CSMD3: variants seen among roughly 807,000 people sequenced by gnomAD.
The protein encoded by CSMD3 is CUB and sushi domain-containing protein 3.
Under a neutral mutation model 435.2 loss-of-function variants are expected in CSMD3, and 177 were observed. The observed-to-expected ratio is 0.41, with a 90% CI of 0.36 to 0.46. The LOEUF is 0.46. CSMD3 is among the 20% of genes least tolerant of loss of function. The pLI is 0.34. For synonymous variants in CSMD3, 1,656 were observed against 1,520.5 expected, an observed-to-expected ratio of 1.09 and a Z score of -2.07; for missense variants, 4,265 against 4,504.6, an observed-to-expected ratio of 0.95 and a Z score of 1.52.
chr8:112,541,938 A>C (rs963335245), intron 27 of CSMD3, among the ~76,000 whole-genome samples: 2 of 152,024 alleles, frequency 1.3e-5, no homozygotes, highest in Non-Finnish European at 2.9e-5. Flanking sequence ...AAAGGATCAC[A>C]CACAATGTCC....
Position 113,130,239 on chromosome 8 carries a change from T to C in CSMD3, c.710-31276A>G, listed in dbSNP as rs546628799. On this transcript the variant is annotated intron_variant, in intron 4 of 70. Transcript: ENST00000297405. ...AGTAGTTAAGGCTTCACATGATCAA[T>C]AGGACTTTGTCAAATAGAAGGATAG... Among the ~76,000 whole-genome samples the C allele has an allele frequency of 7.2e-5, 11 of 152,238 alleles. No homozygotes were observed. The East Asian group carries it at 1.5e-3, about 21-fold the overall frequency.
At chr8:113,011,324 T>G (rs1013238934) in intron 6 of CSMD3, among the ~76,000 whole-genome samples, 20 of 151,930 alleles carry the variant, frequency 1.3e-4, no homozygotes, top group Non-Finnish European at 2.2e-4. Flanking sequence ...CTAGAAATTG[T>G]TATATTGGAC....
intron 13 of CSMD3, among the ~76,000 whole-genome samples, chr8:112,711,487 C>T (rs1371900387): frequency 6.6e-6 from 1 of 152,090 alleles, no homozygotes; most frequent in Non-Finnish European, 1.5e-5. Flanking sequence ...GTGTGCCTAG[C>T]ACCCAGCAAA....
At chr8:112,913,228 G>A (rs146073715) in intron 10 of CSMD3, among the ~76,000 whole-genome samples, 66 of 152,020 alleles carry the variant, frequency 4.3e-4, no homozygotes, top group Non-Finnish European at 8.2e-4. Flanking sequence ...CTCGGGGGAG[G>A]AGTGGTATGG....
At chr8:112,951,116 T>C (rs562578749) in intron 8 of CSMD3, among the ~76,000 whole-genome samples, 2 of 152,006 alleles carry the variant, frequency 1.3e-5, no homozygotes, top group Admixed American at 1.3e-4. Context: ...AGAAAAAAAG[T>C]GCAATCTATC....
chr8:112,659,119 G>T (rs182754286), intron 17 of CSMD3, among the ~76,000 whole-genome samples: 70 of 151,038 alleles, frequency 4.6e-4, no homozygotes, highest in African/African-American at 1.6e-3. Flanking sequence ...AACATAAAGA[G>T]ACTTAATTCT....
At chr8:113,207,586 T>C (rs1006512724) in intron 3 of CSMD3, among the ~76,000 whole-genome samples, 2 of 152,042 alleles carry the variant, frequency 1.3e-5, no homozygotes, top group African/African-American at 4.8e-5. Flanking sequence ...TTTCACCATA[T>C]TGGCCAGGCT....
intron 3 of CSMD3, among the ~76,000 whole-genome samples, chr8:113,247,756 G>T (rs2093290634): frequency 6.6e-6 from 1 of 152,022 alleles, no homozygotes; most frequent in Non-Finnish European, 1.5e-5. Context: ...AGCAATAACA[G>T]ATTCTTAAGC....
At chr8:113,305,456 A>G (rs182018953) in intron 2 of CSMD3, among the ~76,000 whole-genome samples, 7 of 152,316 alleles carry the variant, frequency 4.6e-5, no homozygotes, top group Admixed American at 3.9e-4. Flanking sequence ...AAGCAGGCTA[A>G]TGGAAGTAAA....
chr8:113,282,265 T>C (rs1211971223), intron 2 of CSMD3, among the ~76,000 whole-genome samples: 1 of 151,874 alleles, frequency 6.6e-6, no homozygotes, highest in African/African-American at 2.4e-5. Context: ...ACATTCAAAT[T>C]AGTAAAGAGG....
chr8:112,468,499 G>A (rs1269584727), intron 32 of CSMD3, among the ~76,000 whole-genome samples: 2 of 151,802 alleles, frequency 1.3e-5, no homozygotes, highest in East Asian at 1.9e-4. Flanking sequence ...CTCCCTCCCC[G>A]AAATCTTATT....
At chr8:112,783,828 A>T (rs943698449) in intron 13 of CSMD3, among the ~76,000 whole-genome samples, 1 of 152,012 alleles carries the variant, frequency 6.6e-6, no homozygotes, top group Admixed American at 6.6e-5. Context: ...CAAGACAAAA[A>T]AAAAACATAA....
chr8:112,414,590 G>A lies in CSMD3; in HGVS notation c.5396-5558C>T, dbSNP rs146611605. ...AATACAGTAAATTGGTACCAGGAGT[G>A]GGGTGCTGCTACAAAGATACCTGAA... On this transcript the variant is annotated intron_variant, in intron 32 of 70. Coordinates refer to ENST00000297405, the MANE Select transcript of CSMD3 (RefSeq NM_198123.2). Among the ~76,000 whole-genome samples, 192 of 152,286 alleles carry A rather than the reference G, an allele frequency of 1.3e-3. 1 individual carries two copies. The highest frequency in any genetic ancestry group is 4.5e-3 in the African/African-American group (189 of 41,560).
chr8:112,695,849 A>G (rs2131849787), intron 13 of CSMD3, among the ~76,000 whole-genome samples: 1 of 152,334 alleles, frequency 6.6e-6, no homozygotes, highest in East Asian at 1.9e-4. Flanking sequence ...TCTCAGCCCA[A>G]AATCTCCTTA....
At chr8:112,702,237 G>A (rs987761968) in intron 13 of CSMD3, among the ~76,000 whole-genome samples, 1 of 152,102 alleles carries the variant, frequency 6.6e-6, no homozygotes, top group Non-Finnish European at 1.5e-5. Flanking sequence ...AAGTGGCAGA[G>A]CTGGCTTTTG....
chr8:112,815,798 T>C (rs1017316585), intron 12 of CSMD3, among the ~76,000 whole-genome samples: 22 of 152,254 alleles, frequency 1.4e-4, no homozygotes, highest in African/African-American at 5.3e-4. Context: ...AAAATCACAA[T>C]GAAAAAATAA....
chr8:112,359,498 T>C (rs1178423563), intron 38 of CSMD3, among the ~76,000 whole-genome samples: 3 of 152,170 alleles, frequency 2.0e-5, no homozygotes, highest in Non-Finnish European at 4.4e-5. Flanking sequence ...GAATGAATAA[T>C]ATAAGAAAGA....
chr8:113,003,250 AATAAATAAATAAATAG>A (rs1277778566), intron 6 of CSMD3, among the ~76,000 whole-genome samples: 1 of 152,022 alleles, frequency 6.6e-6, no homozygotes, highest in Non-Finnish European at 1.5e-5. Flanking sequence ...TGTCTCAAAA[AATAAATAAATAAATAG>A]ATAAATAAAT....
At chr8:113,226,436 T>C (rs1416446644) in intron 3 of CSMD3, among the ~76,000 whole-genome samples, 1 of 151,570 alleles carries the variant, frequency 6.6e-6, no homozygotes, top group Admixed American at 6.6e-5. Flanking sequence ...TCCTTGCAAG[T>C]CAAAAAGCAG....
Sources: gnomAD v4.1 joint callset for allele counts (sites outside exome capture counted in the v4.1 genomes callset) on GRCh38, gnomAD v4.1.1 for gene constraint, MANE v1.5 for transcripts, NCBI Gene and HGNC (gene_info 2026-07-23, HGNC 2026-07-21) for gene names.